RNGTT: variants seen among roughly 807,000 people sequenced by gnomAD.
The protein encoded by RNGTT is mRNA-capping enzyme.
A neutral mutation model predicts 79.3 loss-of-function variants in RNGTT; 33 were observed. That is an observed-to-expected ratio of 0.42 (90% CI 0.32 to 0.56). The LOEUF is 0.56. Ranked by LOEUF, RNGTT falls within the 20% of genes least tolerant of loss-of-function variation. RNGTT has a pLI of 0.17. For missense variants in RNGTT, 497 were observed against 739.1 expected (o/e 0.67, Z 3.80); for synonymous variants, 222 against 235.9 (o/e 0.94, Z 0.54).
At chr6:88,846,022 A>T (rs1781472098) in intron 10 of RNGTT, among the ~76,000 whole-genome samples, 1 of 152,206 alleles carries the variant, frequency 6.6e-6, no homozygotes, top group South Asian at 2.1e-4. Context: ...AAGTCTAACA[A>T]CTGTTAAAAC....
At chr6:88,720,721 G>A (rs1776680354) in intron 13 of RNGTT, among the ~76,000 whole-genome samples, 2 of 152,008 alleles carry the variant, frequency 1.3e-5, no homozygotes, top group Admixed American at 1.3e-4. Context: ...GAACAGATTA[G>A]GAATCTGGTC....
chr6:88,614,043 A>G (rs963127917), intron 15 of RNGTT, among the ~76,000 whole-genome samples: 1 of 152,214 alleles, frequency 6.6e-6, no homozygotes, highest in African/African-American at 2.4e-5. Context: ...CTGCCCTTTA[A>G]ACTTCTCTTT....
intron 6 of RNGTT, among the ~76,000 whole-genome samples, chr6:88,898,864 A>T (rs1251702382): frequency 1.8e-5 from 2 of 108,512 alleles, no homozygotes; most frequent in Non-Finnish European, 3.9e-5. Flanking sequence ...ATATTTTACA[A>T]AAAAAAAAAA....
At chr6:88,929,324 A>AT in intron 2 of RNGTT, 57 bp from the exon 3 acceptor site, 1 of 1,079,994 alleles carries the variant, frequency 9.3e-7, no homozygotes, top group Non-Finnish European at 1.4e-6. Flanking sequence ...TTGTTCCCAA[A>AT]TAAGTAGACT....
Position 88,890,536 on chromosome 6 carries a change from G to A in RNGTT, c.855C>T (p.Asp285=). Residue 285 remains aspartate, a synonymous_variant, in exon 8 of 16, where the codon GAC becomes GAT. Coordinates refer to ENST00000369485, the MANE Select transcript of RNGTT (RefSeq NM_003800.5). ...TCCAGCTTACTTTGTATGGCTTCAGGTCTAAAAGTTTAATATTTTGCTTGT... is the reference window on the plus strand; with the variant it reads ...TCCAGCTTACTTTGTATGGCTTCAGATCTAAAAGTTTAATATTTTGCTTGT... ...SMDKQNIKLL[D]LKPYKVSWKA... 1 of 1,613,566 alleles carries A rather than the reference G, an allele frequency of 6.2e-7. No homozygotes were observed. The highest frequency in any genetic ancestry group is 8.5e-7 in the Non-Finnish European group (1 of 1,179,742).
chr6:88,869,826 G>A (rs1057179611), intron 8 of RNGTT, among the ~76,000 whole-genome samples: 1 of 151,992 alleles, frequency 6.6e-6, no homozygotes, highest in Non-Finnish European at 1.5e-5. Context: ...AAGTTCAGCT[G>A]CTTAAAGGCT....
chr6:88,693,149 T>C (rs1048713491), intron 13 of RNGTT, among the ~76,000 whole-genome samples: 3 of 151,928 alleles, frequency 2.0e-5, no homozygotes, highest in African/African-American at 7.2e-5. Flanking sequence ...ATTTAAAAAT[T>C]AGTGACTAGA....
chr6:88,765,045 A>G (rs1171506679), intron 13 of RNGTT, among the ~76,000 whole-genome samples: 1 of 152,030 alleles, frequency 6.6e-6, no homozygotes, highest in Non-Finnish European at 1.5e-5. Context: ...ACAAAAAATT[A>G]GCCGGGCATG....
chr6:88,682,390 C>T (rs1346486274), intron 13 of RNGTT, among the ~76,000 whole-genome samples: 5 of 152,140 alleles, frequency 3.3e-5, no homozygotes, highest in African/African-American at 1.2e-4. Flanking sequence ...GACCAGACTA[C>T]ATCCAATACA....
At chr6:88,833,696 C>T (rs1438850433) in intron 11 of RNGTT, among the ~76,000 whole-genome samples, 1 of 152,124 alleles carries the variant, frequency 6.6e-6, no homozygotes, top group Non-Finnish European at 1.5e-5. Flanking sequence ...CAGATTTAGG[C>T]AAAGTAACTG....
chr6:88,643,556 T>C (rs1773409071), intron 14 of RNGTT, among the ~76,000 whole-genome samples: 1 of 152,194 alleles, frequency 6.6e-6, no homozygotes, highest in African/African-American at 2.4e-5. Flanking sequence ...TACATTCTTC[T>C]CATCACCACA....
chr6:88,775,340 T>C (rs1219748117), intron 12 of RNGTT, among the ~76,000 whole-genome samples: 2 of 152,174 alleles, frequency 1.3e-5, no homozygotes, highest in African/African-American at 2.4e-5. Flanking sequence ...CCTCCAGATT[T>C]ATTCAGCCTA....
intron 4 of RNGTT, among the ~76,000 whole-genome samples, chr6:88,928,251 C>T (rs1784384405): frequency 6.6e-6 from 1 of 151,912 alleles, no homozygotes; most frequent in African/African-American, 2.4e-5. Flanking sequence ...AAATTTAAAA[C>T]CAAACCTTAA....
At chr6:88,655,903 T>A (rs1392897871) in intron 14 of RNGTT, among the ~76,000 whole-genome samples, 2 of 152,216 alleles carry the variant, frequency 1.3e-5, no homozygotes, top group African/African-American at 4.8e-5. Context: ...GGATTCTGGC[T>A]GGTAAGTGAA....
intron 13 of RNGTT, among the ~76,000 whole-genome samples, chr6:88,713,089 A>G (rs1443655511): frequency 6.6e-6 from 1 of 152,156 alleles, no homozygotes. Context: ...TGTTCCCTCA[A>G]GTCATGTGTT....
chr6:88,955,376 C>T (rs904929062), intron 1 of RNGTT, among the ~76,000 whole-genome samples: 3 of 151,814 alleles, frequency 2.0e-5, no homozygotes, highest in Non-Finnish European at 4.4e-5. Flanking sequence ...TGGTGAAATC[C>T]TGTCTCTACT....
chr6:88,684,036 A>G (rs913481383), intron 13 of RNGTT, among the ~76,000 whole-genome samples: 9 of 151,694 alleles, frequency 5.9e-5, no homozygotes, highest in African/African-American at 2.0e-4. Context: ...TTAGAAAAAG[A>G]AAAAAATAAT....
chr6:88,740,277 G>C (rs115184675), intron 13 of RNGTT, among the ~76,000 whole-genome samples: 23 of 152,190 alleles, frequency 1.5e-4, no homozygotes, highest in South Asian at 8.3e-4. Flanking sequence ...TAGCACTTTG[G>C]GGGGGCCGAG....
At chr6:88,854,550 T>C (rs967327184) in intron 8 of RNGTT, among the ~76,000 whole-genome samples, 1 of 152,212 alleles carries the variant, frequency 6.6e-6, no homozygotes, top group Non-Finnish European at 1.5e-5. Flanking sequence ...AATTATCCAG[T>C]GCTCTTTCTA....
Sources: gnomAD v4.1 joint callset for allele counts (sites outside exome capture counted in the v4.1 genomes callset) on GRCh38, gnomAD v4.1.1 for gene constraint, MANE v1.5 for transcripts, NCBI Gene and HGNC (gene_info 2026-07-23, HGNC 2026-07-21) for gene names.